DMD: variants seen among roughly 807,000 people sequenced by gnomAD.
DMD encodes dystrophin.
DMD carries 63 observed loss-of-function variants against 330.1 expected under a neutral mutation model. That is an observed-to-expected ratio of 0.19 (90% CI 0.16 to 0.24). The LOEUF is 0.24. Among genes scored for constraint, DMD ranks in the 10% least tolerant of loss-of-function variants. The pLI is 1.00. For missense variants in DMD, 3,344 were observed against 2,684.1 expected (o/e 1.25, Z -5.43); for synonymous variants, 1,223 against 959.8 (o/e 1.27, Z -5.07).
intron 18 of DMD, among the ~76,000 whole-genome samples, chrX:32,506,420 T>TAA (rs57359370): frequency 0.016 from 1,119 of 71,445 alleles, 13 homozygotes; most frequent in Middle Eastern, 0.038. Flanking sequence ...TACAAAATGC[T>TAA]AAAAAAAAAA....
At chrX:31,383,256 C>T (rs1428036048) in intron 60 of DMD, among the ~76,000 whole-genome samples, 1 of 111,606 alleles carries the variant, frequency 9.0e-6, no homozygotes, top group Non-Finnish European at 1.9e-5. Flanking sequence ...CGGCCCTACC[C>T]CTATCTCCCT....
intron 1 of DMD, among the ~76,000 whole-genome samples, chrX:33,073,206 G>A (rs183723222): frequency 9.0e-6 from 1 of 111,650 alleles, no homozygotes; most frequent in Non-Finnish European, 1.9e-5. Flanking sequence ...TAAGAATATA[G>A]TAAGAAACCC....
chrX:31,645,581 T>C (rs1350842449), intron 54 of DMD, among the ~76,000 whole-genome samples: 2 of 112,576 alleles, frequency 1.8e-5, no homozygotes, highest in African/African-American at 6.4e-5. Context: ...AGAATACTAT[T>C]CAGGTAACTC....
intron 1 of DMD, among the ~76,000 whole-genome samples, chrX:33,107,150 A>G (rs997024286): frequency 7.2e-5 from 8 of 111,286 alleles, no homozygotes; most frequent in Non-Finnish European, 1.1e-4. Context: ...CGTCTCTACT[A>G]AAAATACAAA....
chrX:32,076,334 T>A (rs2096349925), intron 44 of DMD, among the ~76,000 whole-genome samples: 1 of 109,128 alleles, frequency 9.2e-6, no homozygotes, highest in African/African-American at 3.3e-5. Flanking sequence ...CATGACAATG[T>A]TGTGCTCTGG....
intron 11 of DMD, among the ~76,000 whole-genome samples, chrX:32,638,657 T>C (rs1370146597): frequency 8.9e-6 from 1 of 111,825 alleles, no homozygotes; most frequent in Non-Finnish European, 1.9e-5. Flanking sequence ...TGAAATAAAA[T>C]CACAATTAGG....
At chrX:31,459,870 T>C (rs923019279) in intron 59 of DMD, among the ~76,000 whole-genome samples, 4 of 112,196 alleles carry the variant, frequency 3.6e-5, no homozygotes, top group Non-Finnish European at 7.5e-5. Context: ...CTAATTCAGT[T>C]AACTCAATTA....
At chrX:32,202,437 C>T (rs748738224) in intron 44 of DMD, among the ~76,000 whole-genome samples, 15 of 111,673 alleles carry the variant, frequency 1.3e-4, no homozygotes, top group East Asian at 2.9e-4. Flanking sequence ...CTGCGACCTC[C>T]GCCTCTCGGG....
intron 4 of DMD, among the ~76,000 whole-genome samples, chrX:32,842,030 A>G (rs1478519772): frequency 1.8e-5 from 2 of 112,412 alleles, no homozygotes; most frequent in African/African-American, 6.5e-5. Context: ...CAGGTATCAT[A>G]AATACTTGCC....
At chrX:32,579,865 C>T (rs772921589) in intron 13 of DMD, among the ~76,000 whole-genome samples, 3 of 112,873 alleles carry the variant, frequency 2.7e-5, no homozygotes, top group East Asian at 2.8e-4. Context: ...GATTTTAACA[C>T]GAAGAAGCAT....
chrX:33,066,901 A>G lies in DMD; in HGVS notation c.32-46701T>C, dbSNP rs762239758. ...ACAATGACTCCTGCCTGATACAACC[A>G]GAAGGAAGATTGACAATACAACATG... On this transcript the variant is annotated intron_variant, in intron 1 of 78. Transcript: ENST00000357033. Among the ~76,000 whole-genome samples, 118 of 112,182 alleles carry G rather than the reference A, an allele frequency of 1.1e-3. 1 individual carries two copies. The highest frequency in any genetic ancestry group is 2.0e-3 in the Non-Finnish European group (107 of 53,320).
intron 45 of DMD, among the ~76,000 whole-genome samples, chrX:31,958,740 T>G (rs2095271372): frequency 8.9e-6 from 1 of 112,065 alleles, no homozygotes; most frequent in African/African-American, 3.3e-5. Flanking sequence ...CAATGGAGAT[T>G]GCCACCATCT....
At chrX:31,243,466 A>C (rs2048547563) in intron 63 of DMD, among the ~76,000 whole-genome samples, 1 of 112,353 alleles carries the variant, frequency 8.9e-6, no homozygotes, top group Non-Finnish European at 1.9e-5. Flanking sequence ...ATAACACACA[A>C]AAAAGTGTGT....
At chrX:32,967,581 G>C (rs896804694) in intron 2 of DMD, among the ~76,000 whole-genome samples, 6 of 111,309 alleles carry the variant, frequency 5.4e-5, no homozygotes, top group Middle Eastern at 4.7e-3. Flanking sequence ...CTTCCCCGCA[G>C]TGGCAAACCC....
chrX:32,636,926 G>A (rs1463940590), intron 11 of DMD, among the ~76,000 whole-genome samples: 1 of 109,846 alleles, frequency 9.1e-6, no homozygotes, highest in Non-Finnish European at 1.9e-5. Context: ...TGAACCCGGG[G>A]GGCGGAGCTT....
At chrX:31,165,322 G>A (rs2039299782) in intron 74 of DMD, among the ~76,000 whole-genome samples, 1 of 112,294 alleles carries the variant, frequency 8.9e-6, no homozygotes, top group Non-Finnish European at 1.9e-5. Context: ...ACATATGAAA[G>A]GTCCTGAGTA....
intron 47 of DMD, among the ~76,000 whole-genome samples, chrX:31,894,769 C>T (rs73619013): frequency 0.051 from 5,630 of 111,393 alleles, 125 homozygotes; most frequent in African/African-American, 0.061. Context: ...GTAGATACTG[C>T]GACTTTGTAA....
intron 7 of DMD, among the ~76,000 whole-genome samples, chrX:32,738,268 T>A (rs745587411): frequency 9.0e-6 from 1 of 111,496 alleles, no homozygotes; most frequent in African/African-American, 3.3e-5. Flanking sequence ...GTCTTGTTGC[T>A]TTTAAAATCA....
intron 44 of DMD, among the ~76,000 whole-genome samples, chrX:32,045,230 T>C (rs1306606193): frequency 1.8e-5 from 2 of 109,949 alleles, no homozygotes; most frequent in African/African-American, 3.3e-5. Context: ...TGTTGAAATA[T>C]AATGCCAAGT....
Sources: gnomAD v4.1 joint callset for allele counts (sites outside exome capture counted in the v4.1 genomes callset) on GRCh38, gnomAD v4.1.1 for gene constraint, MANE v1.5 for transcripts, NCBI Gene and HGNC (gene_info 2026-07-23, HGNC 2026-07-21) for gene names.